Variants in ADAMTS12 observed in about 807,000 individuals in gnomAD.
The protein encoded by ADAMTS12 is ADAM metallopeptidase with thrombospondin type 1 motif 12.
ADAMTS12 carries 118 observed loss-of-function variants against 167.8 expected under a neutral mutation model. The observed-to-expected ratio is 0.70, with a 90% confidence interval of 0.61 to 0.82. ADAMTS12 has a LOEUF of 0.82. Ranked by LOEUF, ADAMTS12 falls within the 40% of genes least tolerant of loss-of-function variation. ADAMTS12 has a pLI of 0.00. For missense variants in ADAMTS12, 1,916 were observed against 1,998.8 expected (o/e 0.96, Z 0.79); for synonymous variants, 704 against 716.9 (o/e 0.98, Z 0.29).
intron 3 of ADAMTS12, among the ~76,000 whole-genome samples, chr5:33,722,860 GAGC>G (rs1413121363): frequency 6.6e-6 from 1 of 152,166 alleles, no homozygotes; most frequent in Non-Finnish European, 1.5e-5. Context: ...AACTAAATTG[GAGC>G]AGCAAACTGG....
At chr5:33,740,531 G>A (rs901099241) in intron 3 of ADAMTS12, among the ~76,000 whole-genome samples, 3 of 152,170 alleles carry the variant, frequency 2.0e-5, no homozygotes, top group East Asian at 3.9e-4. Context: ...CCTGGATGAC[G>A]GGGATGCGGG....
In ADAMTS12 at chr5:33,683,086, G is replaced by A. The variant is rs1742190616; in HGVS notation, c.847C>T (p.His283Tyr). The change falls in exon 5 of 24, where the codon CAT becomes TAT. Residue 283 changes from histidine to tyrosine, a missense_variant. By Grantham distance (83) the His-to-Tyr change is moderately conservative. Transcript: ENST00000504830. ...ATTGCATTGCCAATGCTTGGGTTAT[G>A]GAACAACCCAGTGACCTAGGGTCAG... Reference protein sequence around the residue: ...TIMNMVTGLFHNPSIGNAIHI... With the variant: ...TIMNMVTGLFYNPSIGNAIHI... 1 of 1,612,498 alleles carries A rather than the reference G, an allele frequency of 6.2e-7. No individual in the cohort carries two copies. Among genetic ancestry groups the A allele is most frequent in the African/African-American group, 1.3e-5 (1 of 74,978 alleles).
intron 2 of ADAMTS12, among the ~76,000 whole-genome samples, chr5:33,827,763 A>T (rs1748146649): frequency 6.7e-6 from 1 of 148,854 alleles, no homozygotes; most frequent in East Asian, 2.0e-4. Context: ...AGATAGATAG[A>T]ATGTTTTTGT....
At chr5:33,661,844 A>C in intron 6 of ADAMTS12, 72 bp downstream of exon 6, 1 of 1,592,776 alleles carries the variant, frequency 6.3e-7, no homozygotes, top group South Asian at 1.1e-5. Context: ...GGGTTTGAAC[A>C]CCTGGTAAGC....
intron 14 of ADAMTS12, among the ~76,000 whole-genome samples, chr5:33,621,211 A>T (rs996573065): frequency 6.6e-6 from 1 of 152,074 alleles, no homozygotes; most frequent in Admixed American, 6.6e-5. Context: ...CAGCCTGGCC[A>T]ATATGGTGAA....
chr5:33,568,984 G>A (rs554949755), intron 19 of ADAMTS12, among the ~76,000 whole-genome samples: 11 of 152,336 alleles, frequency 7.2e-5, no homozygotes, highest in South Asian at 6.2e-4. Flanking sequence ...ACGGAGTCTC[G>A]CTGATTGCTA....
chr5:33,681,805 A>C (rs760415428), intron 5 of ADAMTS12, among the ~76,000 whole-genome samples: 24 of 152,176 alleles, frequency 1.6e-4, no homozygotes, highest in Non-Finnish European at 3.4e-4. Flanking sequence ...GTGCATAGAC[A>C]GTGAGTATGA....
intron 18 of ADAMTS12, among the ~76,000 whole-genome samples, chr5:33,583,436 C>T (rs1747178090): frequency 6.8e-6 from 1 of 148,036 alleles, no homozygotes; most frequent in African/African-American, 2.7e-5. Context: ...CTATTGCAAA[C>T]AGCGCTGCAA....
Position 33,881,409 on chromosome 5 carries a change from A to C in ADAMTS12, c.199T>G (p.Leu67Val), listed in dbSNP as rs749983737. 6.2e-7 allele frequency: 1 copy of C among 1,614,120 alleles called. No individual in the cohort carries two copies. Among genetic ancestry groups the C allele is most frequent in the Non-Finnish European group, 8.5e-7 (1 of 1,180,004 alleles). The part of the protein sequence containing the change: ...PVRVDASGHF[L>V]SYGLHYPITS... ...ATGGGATAGTGCAAGCCATATGACAAAAAATGCCCACTGGCATCTACTCGG... is the reference window on the plus strand; with the variant it reads ...ATGGGATAGTGCAAGCCATATGACACAAAATGCCCACTGGCATCTACTCGG... The change falls in exon 2 of 24, where the codon TTG becomes GTG. Residue 67 changes from leucine to valine, a missense_variant. Coordinates refer to ENST00000504830, the MANE Select transcript of ADAMTS12 (RefSeq NM_030955.4).
intron 18 of ADAMTS12, 105 bp downstream of exon 18, chr5:33,588,494 T>A: frequency 2.2e-6 from 3 of 1,370,238 alleles, no homozygotes; most frequent in Non-Finnish European, 3.1e-6. Context: ...ACACTGGCTA[T>A]TTTGCAATTT....
At chr5:33,865,314 G>A (rs754861549) in intron 2 of ADAMTS12, among the ~76,000 whole-genome samples, 19 of 151,860 alleles carry the variant, frequency 1.3e-4, no homozygotes, top group Non-Finnish European at 2.4e-4. Context: ...ATGTAGGGAC[G>A]ATGGAAGTCA....
intron 16 of ADAMTS12, among the ~76,000 whole-genome samples, chr5:33,608,384 C>T (rs538273355): frequency 6.6e-5 from 10 of 152,114 alleles, no homozygotes; most frequent in African/African-American, 2.4e-4. Flanking sequence ...CTTTAAAAAC[C>T]AAGCTAATAA....
chr5:33,859,319 G>A (rs969545404), intron 2 of ADAMTS12, among the ~76,000 whole-genome samples: 3 of 152,218 alleles, frequency 2.0e-5, no homozygotes, highest in Non-Finnish European at 2.9e-5. Context: ...CTAGCTTGGT[G>A]GGGGGAGGGG....
At chr5:33,631,272 A>C (rs1739915388) in intron 12 of ADAMTS12, among the ~76,000 whole-genome samples, 1 of 152,150 alleles carries the variant, frequency 6.6e-6, no homozygotes, top group Non-Finnish European at 1.5e-5. Context: ...AAGTTATTGC[A>C]ACCAGCCATG....
chr5:33,828,294 T>C (rs1652863126), intron 2 of ADAMTS12, among the ~76,000 whole-genome samples: 1 of 152,208 alleles, frequency 6.6e-6, no homozygotes, highest in African/African-American at 2.4e-5. Flanking sequence ...TATCACTTCA[T>C]ATATTTATTA....
intron 2 of ADAMTS12, among the ~76,000 whole-genome samples, chr5:33,859,275 C>T (rs375921730): frequency 6.6e-6 from 1 of 152,230 alleles, no homozygotes; most frequent in Non-Finnish European, 1.5e-5. Flanking sequence ...ATTCTCGCTG[C>T]CAGCACAGCA....
Position 33,844,920 on chromosome 5 carries a change from G to C in ADAMTS12, c.489+36199C>G, listed in dbSNP as rs1226640767. On this transcript the variant is annotated intron_variant, in intron 2 of 23. Coordinates refer to ENST00000504830, the MANE Select transcript of ADAMTS12 (RefSeq NM_030955.4). Reference sequence around the variant, plus strand: ...GCCGATGCTTATGGAAAATAGAAAAGAACCTACATGACTACTGGGGGCAGG... The same window carrying C: ...GCCGATGCTTATGGAAAATAGAAAACAACCTACATGACTACTGGGGGCAGG... Among the ~76,000 whole-genome samples the C allele has an allele frequency of 1.3e-5, 2 of 152,186 alleles. 1 individual carries two copies. Among genetic ancestry groups the C allele is most frequent in the South Asian group, 4.2e-4 (2 of 4,816 alleles).
At chr5:33,607,979 G>A (rs1483616323) in intron 16 of ADAMTS12, among the ~76,000 whole-genome samples, 2 of 152,180 alleles carry the variant, frequency 1.3e-5, no homozygotes, top group Non-Finnish European at 2.9e-5. Context: ...AACAGAATAG[G>A]AGCTGGGAAA....
chr5:33,602,598 A>C (rs138338439), intron 16 of ADAMTS12, among the ~76,000 whole-genome samples: 1 of 152,236 alleles, frequency 6.6e-6, no homozygotes, highest in Admixed American at 6.5e-5. Flanking sequence ...TTAAATAAGT[A>C]TCTGACTCTG....
Sources: allele counts gnomAD v4.1 joint callset (sites outside exome capture counted in the v4.1 genomes callset), GRCh38; gene constraint gnomAD v4.1.1; transcripts MANE v1.5; gene names NCBI Gene and HGNC (gene_info 2026-07-23, HGNC 2026-07-21).